AKT3: variants seen among roughly 807,000 people sequenced by gnomAD.
The protein encoded by AKT3 is AKT serine/threonine kinase 3.
In AKT3, 15 loss-of-function variants were observed where a neutral mutation model predicts 65.3. The observed-to-expected ratio is 0.23, with a 90% CI of 0.15 to 0.35. The LOEUF is 0.35. Among genes scored for constraint, AKT3 ranks in the 10% least tolerant of loss-of-function variants. The pLI is 1.00. For synonymous variants in AKT3, 206 were observed against 183.8 expected (o/e 1.12, Z -0.98); for missense variants, 243 against 576.5 (o/e 0.42, Z 5.92).
At chr1:243,694,778 A>T (rs941502398) in intron 3 of AKT3, among the ~76,000 whole-genome samples, 3 of 151,886 alleles carry the variant, frequency 2.0e-5, no homozygotes, top group Non-Finnish European at 4.4e-5. Context: ...TTTAGCTTCA[A>T]ATTTCCCTTG....
At chr1:243,629,547 C>T (rs538957855) in intron 6 of AKT3, among the ~76,000 whole-genome samples, 1 of 152,226 alleles carries the variant, frequency 6.6e-6, no homozygotes, top group East Asian at 1.9e-4. Context: ...AATCCCAGCA[C>T]TTTGGGAGGC....
chr1:243,501,354 A>G lies in AKT3; in HGVS notation c.*3895T>C, dbSNP rs974710553. On this transcript the variant is annotated 3_prime_UTR_variant, in exon 14 of 14. Coordinates refer to ENST00000673466, the MANE Select transcript of AKT3 (RefSeq NM_005465.7). ...TAAGAAAGGAAATATGCAGAGCAGT[A>G]CATTATCAGGAAGACGTTAATGAAA... 8.6e-6 allele frequency: 2 copies of G among 233,150 alleles called. No individual in the cohort carries two copies. The highest frequency in any genetic ancestry group is 1.7e-5 in the Non-Finnish European group (2 of 118,024). The allele number at this position is 233,150 out of a possible 1,614,324, so 14.4% of individuals were successfully genotyped here.
At chr1:243,613,340 C>T (rs1678044047) in intron 8 of AKT3, among the ~76,000 whole-genome samples, 1 of 151,626 alleles carries the variant, frequency 6.6e-6, no homozygotes. Context: ...TGAAAAGAAA[C>T]TTTGTGAAAC....
intron 2 of AKT3, among the ~76,000 whole-genome samples, chr1:243,770,402 G>T (rs1690103093): frequency 6.6e-6 from 1 of 152,088 alleles, no homozygotes; most frequent in Admixed American, 6.6e-5. Flanking sequence ...CATAGGTCAA[G>T]GTAGGACCTG....
At chr1:243,615,045 T>A in intron 7 of AKT3, 51 bp downstream of exon 7, 2 of 1,282,902 alleles carry the variant, frequency 1.6e-6, no homozygotes, top group Non-Finnish European at 1.1e-6. Context: ...AACATAAAAT[T>A]CCTTAAATTT....
At chr1:243,492,370 C>T (rs2148286495) in intron 13 of AKT3, among the ~76,000 whole-genome samples, 1 of 123,684 alleles carries the variant, frequency 8.1e-6, no homozygotes, top group South Asian at 2.7e-4. Flanking sequence ...GGTGCAATCT[C>T]TGCTCACTGC....
chr1:243,651,807 T>C (rs1681358256), intron 4 of AKT3, among the ~76,000 whole-genome samples: 1 of 152,068 alleles, frequency 6.6e-6, no homozygotes, highest in African/African-American at 2.4e-5. Flanking sequence ...AGTATTTTAC[T>C]GAGGATTTTT....
intron 4 of AKT3, among the ~76,000 whole-genome samples, chr1:243,664,381 T>C (rs950355328): frequency 6.6e-6 from 1 of 151,526 alleles, no homozygotes; most frequent in African/African-American, 2.4e-5. Flanking sequence ...TGTGTGTGTT[T>C]TTTTAGTAGC....
chr1:243,519,917 T>A (rs1475747405), intron 12 of AKT3, among the ~76,000 whole-genome samples: 1 of 152,228 alleles, frequency 6.6e-6, no homozygotes, highest in South Asian at 2.1e-4. Context: ...CTTACAAAAG[T>A]GTCTTGAACT....
In AKT3 at chr1:243,503,186, A is replaced by G. The variant is rs190950461; in HGVS notation, c.*2063T>C. 3.4e-4 allele frequency: 80 copies of G among 233,664 alleles called. No homozygotes were observed. In the East Asian group the frequency reaches 4.8e-3, roughly 14 times the overall value. 14.5% of individuals were successfully genotyped at this position (233,664 alleles called of 1,614,324 possible). Reference sequence around the variant, plus strand: ...CTACTCAATACTAAGGATGAACTTCACTCAGGTAGAAATATGAAAAAGAAG... The same window carrying G: ...CTACTCAATACTAAGGATGAACTTCGCTCAGGTAGAAATATGAAAAAGAAG... On this transcript the variant is annotated 3_prime_UTR_variant, in exon 14 of 14. Coordinates refer to ENST00000673466, the MANE Select transcript of AKT3 (RefSeq NM_005465.7).
intron 2 of AKT3, among the ~76,000 whole-genome samples, chr1:243,704,935 C>T (rs1420306374): frequency 6.6e-6 from 1 of 152,078 alleles, no homozygotes; most frequent in Non-Finnish European, 1.5e-5. Flanking sequence ...TGTTTGTCTG[C>T]TCTTGGACTG....
intron 6 of AKT3, among the ~76,000 whole-genome samples, chr1:243,625,383 T>G (rs1679085111): frequency 6.6e-6 from 1 of 151,594 alleles, no homozygotes; most frequent in Non-Finnish European, 1.5e-5. Context: ...TCTGCCCGAC[T>G]TGGCCTCCCA....
chr1:243,823,500 T>C (rs1322805036), intron 2 of AKT3, among the ~76,000 whole-genome samples: 1 of 152,208 alleles, frequency 6.6e-6, no homozygotes, highest in Non-Finnish European at 1.5e-5. Flanking sequence ...GCAGATGACA[T>C]GACCCTATAT....
At chr1:243,606,670 A>G (rs1392605717) in intron 8 of AKT3, among the ~76,000 whole-genome samples, 2 of 152,274 alleles carry the variant, frequency 1.3e-5, no homozygotes, top group Non-Finnish European at 2.9e-5. Context: ...AAAAGTTGGC[A>G]TAAGTAACAA....
intron 2 of AKT3, among the ~76,000 whole-genome samples, chr1:243,698,338 TACAAAA>T (rs1490857991): frequency 1.3e-5 from 2 of 152,070 alleles, no homozygotes; most frequent in East Asian, 3.9e-4. Flanking sequence ...ATTTGAAAAA[TACAAAA>T]GAAAACACGG....
In AKT3 at chr1:243,850,044, AACGGCG is replaced by A; in HGVS notation, c.-123_-118del. On this transcript the variant is annotated 5_prime_UTR_variant, in exon 1 of 14. Transcript: ENST00000673466. The stretch of plus-strand genomic sequence containing the variant: ...GTTGGGGGCGGTGGCTGTTACCTGC[AACGGCG>A]GCGGCGGCGGTGGCGGCCCCGCAGC... The A allele has an allele frequency of 1.0e-6, 1 of 983,332 alleles. No homozygotes were observed. The highest frequency in any genetic ancestry group is 1.2e-6 in the Non-Finnish European group (1 of 830,878). The allele number at this position is 983,332 out of a possible 1,614,324, so 60.9% of individuals were successfully genotyped here. A position where few individuals can be genotyped will look rare whatever the true frequency, so the allele number is the denominator to read the frequency against.
chr1:243,769,915 CTA>C (rs1690071286), intron 2 of AKT3, among the ~76,000 whole-genome samples: 1 of 152,134 alleles, frequency 6.6e-6, no homozygotes, highest in South Asian at 2.1e-4. Flanking sequence ...AGATTCACCC[CTA>C]TGTTTTCTTC....
chr1:243,592,532 G>A (rs908952268), intron 8 of AKT3, among the ~76,000 whole-genome samples: 4 of 152,064 alleles, frequency 2.6e-5, no homozygotes, highest in Admixed American at 1.3e-4. Context: ...AACTGTATAA[G>A]CCAGAAGAAA....
intron 4 of AKT3, among the ~76,000 whole-genome samples, chr1:243,658,451 A>T (rs760281205): frequency 6.6e-6 from 1 of 152,118 alleles, no homozygotes; most frequent in Admixed American, 6.5e-5. Flanking sequence ...AAAAAACAAC[A>T]ACATAAAAAA....
Sources: gnomAD v4.1 joint callset for allele counts (sites outside exome capture counted in the v4.1 genomes callset) on GRCh38, gnomAD v4.1.1 for gene constraint, MANE v1.5 for transcripts, NCBI Gene and HGNC (gene_info 2026-07-23, HGNC 2026-07-21) for gene names.